PACRG: variants seen among roughly 807,000 people sequenced by gnomAD.
The protein encoded by PACRG is parkin coregulated, also known as parkin coregulated gene protein.
PACRG carries 29 observed loss-of-function variants against 29.7 expected under a neutral mutation model. That is an observed-to-expected ratio of 0.98 (90% CI 0.73 to 1.33). The LOEUF is 1.33. Among genes scored for constraint, PACRG ranks in the 40% most tolerant of loss-of-function variants. The pLI is 0.00. For missense variants in PACRG, 279 were observed against 316.2 expected (o/e 0.88, Z 0.89); for synonymous variants, 116 against 118.7 (o/e 0.98, Z 0.15).
chr6:163,131,770 T>G (rs1477100356), intron 4 of PACRG, among the ~76,000 whole-genome samples: 1 of 152,208 alleles, frequency 6.6e-6, no homozygotes, highest in African/African-American at 2.4e-5. Flanking sequence ...TGCTATTAGA[T>G]GTGTAAAATT....
intron 4 of PACRG, among the ~76,000 whole-genome samples, chr6:163,282,926 C>T (rs1784267860): frequency 6.6e-6 from 1 of 152,214 alleles, no homozygotes; most frequent in Admixed American, 6.5e-5. Context: ...GCTACAATGA[C>T]CTGCCACTGG....
intron 4 of PACRG, among the ~76,000 whole-genome samples, chr6:163,144,551 C>G (rs1777718230): frequency 6.6e-6 from 1 of 152,016 alleles, no homozygotes; most frequent in African/African-American, 2.4e-5. Context: ...AGTGGATCAC[C>G]TGAGGTCAGG....
chr6:162,875,196 T>C (rs1429458799), intron 2 of PACRG, among the ~76,000 whole-genome samples: 1 of 144,216 alleles, frequency 6.9e-6, no homozygotes, highest in Admixed American at 6.9e-5. Flanking sequence ...CACACACACA[T>C]CCACGCACAT....
At chr6:163,108,071 G>T (rs1226203671) in intron 4 of PACRG, among the ~76,000 whole-genome samples, 1 of 152,168 alleles carries the variant, frequency 6.6e-6, no homozygotes, top group Non-Finnish European at 1.5e-5. Context: ...CGTCTGATGT[G>T]GTTTGGCTTT....
chr6:163,103,811 CTG>C (rs1452859125), intron 4 of PACRG, among the ~76,000 whole-genome samples: 1 of 152,190 alleles, frequency 6.6e-6, no homozygotes, highest in East Asian at 1.9e-4. Context: ...CAGCTCGACA[CTG>C]TATTATTTTT....
intron 2 of PACRG, among the ~76,000 whole-genome samples, chr6:162,870,451 G>T (rs1257414480): frequency 6.6e-6 from 1 of 152,008 alleles, no homozygotes; most frequent in Non-Finnish European, 1.5e-5. Flanking sequence ...ATAGGTTTTT[G>T]GGGAACAGGT....
At chr6:163,000,406 A>ACCC (rs1288318637) in intron 2 of PACRG, among the ~76,000 whole-genome samples, 3 of 151,644 alleles carry the variant, frequency 2.0e-5, no homozygotes, top group Non-Finnish European at 4.4e-5. Context: ...GAGTGAGGGA[A>ACCC]CCCCCATTGC....
intron 2 of PACRG, among the ~76,000 whole-genome samples, chr6:162,949,650 A>G (rs933945386): frequency 4.6e-5 from 7 of 152,180 alleles, no homozygotes; most frequent in African/African-American, 1.2e-4. Flanking sequence ...CTGTGTATGA[A>G]AAAATTTAAT....
chr6:162,941,015 C>T (rs972093777), intron 2 of PACRG, among the ~76,000 whole-genome samples: 4 of 148,382 alleles, frequency 2.7e-5, no homozygotes, highest in African/African-American at 7.5e-5. Flanking sequence ...TGTGTGTGTG[C>T]GCGTGTGTGT....
At chr6:162,880,012 G>A (rs9458662) in intron 2 of PACRG, among the ~76,000 whole-genome samples, 79,202 of 151,968 alleles carry the variant, frequency 0.52, 21,350 homozygotes, top group East Asian at 0.77. Flanking sequence ...CTTCTGTGTC[G>A]AGGTCAAACC....
chr6:163,252,674 G>A (rs1451452102), intron 4 of PACRG, among the ~76,000 whole-genome samples: 1 of 152,124 alleles, frequency 6.6e-6, no homozygotes, highest in Non-Finnish European at 1.5e-5. Flanking sequence ...ATCTCCTAAC[G>A]GACACCTCAC....
At chr6:162,851,337 T>C (rs1388038483) in intron 2 of PACRG, among the ~76,000 whole-genome samples, 1 of 152,166 alleles carries the variant, frequency 6.6e-6, no homozygotes, top group Non-Finnish European at 1.5e-5. Flanking sequence ...ATGATCTCCT[T>C]CATTCCCACA....
intron 2 of PACRG, among the ~76,000 whole-genome samples, chr6:162,837,151 T>G (rs1356977009): frequency 6.6e-6 from 1 of 152,154 alleles, no homozygotes; most frequent in Non-Finnish European, 1.5e-5. Flanking sequence ...GGGCCCTGAA[T>G]GACAATCTGA....
chr6:163,063,843 G>C (rs921343996), intron 3 of PACRG, among the ~76,000 whole-genome samples: 3 of 152,124 alleles, frequency 2.0e-5, no homozygotes, highest in African/African-American at 7.2e-5. Context: ...AGGAAGGCAG[G>C]CTCCTTAAAG....
intron 4 of PACRG, among the ~76,000 whole-genome samples, chr6:163,200,805 T>TC (rs1416078928): frequency 6.6e-6 from 1 of 152,220 alleles, no homozygotes; most frequent in Non-Finnish European, 1.5e-5. Flanking sequence ...CTGAGAAGTT[T>TC]CCCAGGACAC....
At chr6:163,204,318 A>G (rs2128151089) in intron 4 of PACRG, among the ~76,000 whole-genome samples, 1 of 152,344 alleles carries the variant, frequency 6.6e-6, no homozygotes, top group South Asian at 2.1e-4. Context: ...TCCTTTCCTT[A>G]TAAATTTGAA....
At chr6:162,845,826 T>G (rs776697606) in intron 2 of PACRG, among the ~76,000 whole-genome samples, 8 of 152,254 alleles carry the variant, frequency 5.3e-5, no homozygotes, top group Non-Finnish European at 8.8e-5. Context: ...CTCTGAATTT[T>G]CATTTGTATG....
chr6:162,981,274 AT>A (rs1342384467), intron 2 of PACRG, among the ~76,000 whole-genome samples: 1 of 147,078 alleles, frequency 6.8e-6, no homozygotes, highest in Non-Finnish European at 1.5e-5. Context: ...ATATTTATAT[AT>A]TTTTATGTAT....
rs1562349751 is a variant in PACRG at position 163,269,907 on chromosome 6, AAAG to A, written c.614-44917_614-44915del. On this transcript the variant is annotated intron_variant, in intron 4 of 4. Coordinates refer to ENST00000366888, the MANE Select transcript of PACRG (RefSeq NM_001080379.2). ...AAAGAAAGAAAACAAAGAAAGAAAG[AAAG>A]AAAGAAAGAAAGAAAGAAAACAAAG... is the stretch of plus-strand genomic sequence containing the variant. Among the ~76,000 whole-genome samples the A allele has an allele frequency of 2.6e-3, 203 of 78,366 alleles. 49 individuals carry two copies. The highest frequency in any genetic ancestry group is 0.013 in the African/African-American group (194 of 15,322). 51.4% of individuals were successfully genotyped at this position (78,366 alleles called of 152,430 possible). A position where few individuals can be genotyped will look rare whatever the true frequency, so the allele number is the denominator to read the frequency against.
Sources: allele counts gnomAD v4.1 joint callset (sites outside exome capture counted in the v4.1 genomes callset), GRCh38; gene constraint gnomAD v4.1.1; transcripts MANE v1.5; gene names NCBI Gene and HGNC (gene_info 2026-07-23, HGNC 2026-07-21).